LARS1: variants seen among roughly 807,000 people sequenced by gnomAD.
LARS1 encodes leucyl-tRNA synthetase 1.
Under a neutral mutation model 162.8 loss-of-function variants are expected in LARS1, and 100 were observed. The ratio of observed to expected loss-of-function variants is 0.61; its 90% CI spans 0.52 to 0.73. The LOEUF (loss-of-function observed/expected upper bound fraction) is 0.73. Ranked by LOEUF, LARS1 falls within the 30% of genes least tolerant of loss-of-function variation. The pLI, the probability that LARS1 is intolerant of heterozygous loss-of-function variation, is 0.00. For synonymous variants in LARS1, 457 were observed against 462.8 expected (o/e 0.99, Z 0.16); for missense variants, 1,258 against 1,408.9 (o/e 0.89, Z 1.71).
At chr5:146,118,602 A>G (rs1421877107) in intron 31 of LARS1, among the ~76,000 whole-genome samples, 1 of 152,240 alleles carries the variant, frequency 6.6e-6, no homozygotes, top group Non-Finnish European at 1.5e-5. Context: ...CATTGTAAAT[A>G]TGTACCAAAC....
chr5:146,171,897 T>C lies in LARS1; in HGVS notation c.294+13A>G, dbSNP rs754381469. ...CTAAAAAGAGTAGAAACCAATCCTA[T>C]TAGCGATCTTACCTTAATAGGCATT... is the stretch of plus-strand genomic sequence containing the variant. On this transcript the variant is annotated intron_variant, in intron 4 of 31. Coordinates refer to ENST00000394434, the MANE Select transcript of LARS1 (RefSeq NM_020117.11). The C allele has an allele frequency of 3.1e-6, 5 of 1,598,282 alleles. No individual in the cohort carries two copies. In the South Asian group the frequency reaches 4.5e-5, roughly 14 times the overall value.
chr5:146,151,740 T>C, intron 14 of LARS1, 122 bp downstream of exon 14: 1 of 884,140 alleles, frequency 1.1e-6, no homozygotes, highest in Non-Finnish European at 1.7e-6. Context: ...TACATTCTCA[T>C]ATTAAGCTCT....
rs950714144 is a variant in LARS1, at chr5:146,137,031, G to C, written c.2149-1367C>G. 5.9e-5 allele frequency among the ~76,000 whole-genome samples: 9 copies of C among 152,070 alleles called. No homozygotes were observed. The East Asian group carries it at 1.4e-3, about 23-fold the overall frequency. ...ATTCTCCTGCCTCAGCCTGCAGCTGGGATTACAGGCGCCCACAACCAGGCC... is the reference window on the plus strand; with the variant it reads ...ATTCTCCTGCCTCAGCCTGCAGCTGCGATTACAGGCGCCCACAACCAGGCC... On this transcript the variant is annotated intron_variant, in intron 21 of 31. Coordinates refer to ENST00000394434, the MANE Select transcript of LARS1 (RefSeq NM_020117.11).
At chr5:146,160,311 C>A in intron 7 of LARS1, 63 bp downstream of exon 7, 1 of 873,148 alleles carries the variant, frequency 1.1e-6, no homozygotes, top group East Asian at 3.2e-5. Context: ...ACTGGGATTA[C>A]AGGCGTGAGC....
intron 7 of LARS1, among the ~76,000 whole-genome samples, chr5:146,160,005 G>A (rs1360174293): frequency 6.6e-6 from 1 of 151,924 alleles, no homozygotes; most frequent in Admixed American, 6.6e-5. Flanking sequence ...ACACTAAGCA[G>A]CTCAGAGAAA....
intron 1 of LARS1, chr5:146,181,151 A>C (rs1288341917): frequency 6.6e-6 from 1 of 152,152 alleles, no homozygotes; most frequent in Non-Finnish European, 1.5e-5. Context: ...CAGGAAATTG[A>C]GTCCATCCTG....
chr5:146,143,424 G>A lies in LARS1; in HGVS notation c.1865C>T (p.Pro622Leu), dbSNP rs371971212. 1.2e-5 allele frequency: 20 copies of A among 1,612,048 alleles called. No individual in the cohort carries two copies. Among genetic ancestry groups the A allele is most frequent in the Middle Eastern group, 1.6e-4 (1 of 6,078 alleles). The change falls in exon 19 of 32, where the codon CCG becomes CTG. Residue 622 changes from proline to leucine, a missense_variant. Pro to Leu is a moderately conservative substitution (Grantham distance 98). Coordinates refer to ENST00000394434, the MANE Select transcript of LARS1 (RefSeq NM_020117.11). ...TCTGTTTACCAACCTAATGCCCAGC[G>A]GAGACTCTGCCTGTCCATGCAAGTT... ...GGNLHGQAES[P>L]LGIRPQQMTK...
intron 1 of LARS1, among the ~76,000 whole-genome samples, chr5:146,178,397 T>C (rs1754691747): frequency 6.6e-6 from 1 of 152,112 alleles, no homozygotes; most frequent in Admixed American, 6.6e-5. Context: ...GAGGATCACC[T>C]GAGGTCAGGA....
In LARS1 at chr5:146,159,448, C is replaced by A; in HGVS notation, c.730G>T (p.Asp244Tyr). 1 of 1,612,310 alleles carries A rather than the reference C, an allele frequency of 6.2e-7. No homozygotes were observed. The change falls in exon 8 of 32, where the codon GAT (aspartate) becomes TAT (tyrosine). Residue 244 changes from aspartate (D) to tyrosine (Y), a missense_variant. Physicochemically the swap from Asp to Tyr is radical, Grantham distance 160. Coordinates refer to ENST00000394434, the MANE Select transcript of LARS1 (RefSeq NM_020117.11). ...GKRYTIYSPKDGQPCMDHDRQ... is the reference protein window; with the variant it reads ...GKRYTIYSPKYGQPCMDHDRQ... Reference sequence around the variant, plus strand: ...TCATGATCCATGCAAGGCTGTCCATCTTTCGGAGAGTAAATTGTATACCTA... The same window carrying A: ...TCATGATCCATGCAAGGCTGTCCATATTTCGGAGAGTAAATTGTATACCTA...
chr5:146,115,911 A>G (rs1764184390), intron 31 of LARS1, among the ~76,000 whole-genome samples: 2 of 152,206 alleles, frequency 1.3e-5, no homozygotes, highest in South Asian at 4.1e-4. Context: ...GAGAGTACAA[A>G]GCTTAGTATA....
intron 1 of LARS1, chr5:146,182,216 C>CA: frequency 4.0e-6 from 2 of 501,672 alleles, no homozygotes; most frequent in Non-Finnish European, 3.6e-6. Flanking sequence ...GCTGGGATTA[C>CA]AGCCGTGGGC....
intron 20 of LARS1, among the ~76,000 whole-genome samples, chr5:146,141,712 C>T (rs1442195460): frequency 5.9e-5 from 9 of 152,056 alleles, no homozygotes; most frequent in Non-Finnish European, 2.9e-5. Context: ...GTGAGGATCA[C>T]GTGAGTCTGC....
intron 1 of LARS1, chr5:146,179,814 G>A: frequency 4.3e-6 from 1 of 230,322 alleles, no homozygotes; most frequent in Non-Finnish European, 9.6e-6. Flanking sequence ...TGTTGCCTAG[G>A]CTGGTCTTGA....
chr5:146,118,783 G>A (rs2126360001), intron 31 of LARS1, among the ~76,000 whole-genome samples: 1 of 152,324 alleles, frequency 6.6e-6, no homozygotes, highest in East Asian at 1.9e-4. Flanking sequence ...AGAGATGGAT[G>A]GTGGTGATGG....
At chr5:146,119,314 A>G (rs1751705205) in intron 31 of LARS1, among the ~76,000 whole-genome samples, 1 of 152,320 alleles carries the variant, frequency 6.6e-6, no homozygotes, top group South Asian at 2.1e-4. Context: ...TAGTGTCTCA[A>G]TAAGTATCCA....
chr5:146,162,240 T>G (rs549821694), intron 6 of LARS1, among the ~76,000 whole-genome samples: 1 of 152,248 alleles, frequency 6.6e-6, no homozygotes. Context: ...ATGACTGTTA[T>G]AGCCTTATAA....
chr5:146,122,347 C>T (rs1751863106), intron 30 of LARS1, 145 bp downstream of exon 30: 1 of 509,742 alleles, frequency 2.0e-6, no homozygotes, highest in African/African-American at 1.9e-5. Context: ...ATTTCTAACA[C>T]TCTATGGGGT....
At chr5:146,156,117 T>C (rs993750090) in intron 10 of LARS1, among the ~76,000 whole-genome samples, 7 of 152,214 alleles carry the variant, frequency 4.6e-5, no homozygotes, top group African/African-American at 1.7e-4. Context: ...ACAAAGAGTA[T>C]GTGTGTATTC....
At chr5:146,144,210 A>C (rs370198374) in intron 18 of LARS1, 57 bp downstream of exon 18, 13 of 1,297,302 alleles carry the variant, frequency 1.0e-5, no homozygotes, top group Admixed American at 4.1e-5. Flanking sequence ...GTAAAAATGT[A>C]TATTTTCTGT....
Sources: allele counts gnomAD v4.1 joint callset (sites outside exome capture counted in the v4.1 genomes callset), GRCh38; gene constraint gnomAD v4.1.1; transcripts MANE v1.5; gene names NCBI Gene and HGNC (gene_info 2026-07-23, HGNC 2026-07-21).